The following RASGRF1 variants were observed in gnomAD, a reference collection of about 807,000 sequenced individuals.
RASGRF1 encodes ras-specific guanine nucleotide-releasing factor 1.
RASGRF1 carries 40 observed loss-of-function variants against 138.7 expected under a neutral mutation model. The ratio of observed to expected loss-of-function variants is 0.29; its 90% CI spans 0.22 to 0.38. RASGRF1 has a LOEUF of 0.38. RASGRF1 is among the 10% of genes least tolerant of loss of function. RASGRF1 has a pLI of 1.00. For synonymous variants in RASGRF1, 614 were observed against 663.2 expected, an observed-to-expected ratio of 0.93 and a Z score of 1.14; for missense variants, 1,108 against 1,650.4, an observed-to-expected ratio of 0.67 and a Z score of 5.69.
At chr15:79,059,535 A>G (rs1043850279) in intron 2 of RASGRF1, among the ~76,000 whole-genome samples, 1 of 152,146 alleles carries the variant, frequency 6.6e-6, no homozygotes, top group Non-Finnish European at 1.5e-5. Context: ...CAAAAGACCA[A>G]TTATCTCATT....
At position 79,032,388 on chromosome 15, in the gene RASGRF1, C is replaced by T. The variant is rs2057153672; in HGVS notation, c.959-72G>A. 3 of 1,451,110 alleles carry T rather than the reference C, an allele frequency of 2.1e-6. No individual in the cohort carries two copies. The highest frequency in any genetic ancestry group is 2.3e-5 in the East Asian group (1 of 43,504). 89.9% of individuals were successfully genotyped at this position (1,451,110 alleles called of 1,614,324 possible). ...GACAGAATCCCCTAGGCCCTTGGCTCCCCCAGCTACACCCAGAGAGGCCAG... is the reference window on the plus strand; with the variant it reads ...GACAGAATCCCCTAGGCCCTTGGCTTCCCCAGCTACACCCAGAGAGGCCAG... On this transcript the variant is annotated intron_variant, in intron 6 of 26. Transcript: ENST00000558480. This position sits in a 1 kb window ranked among gnomAD's most constrained non-coding sequence, Gnocchi z 4.5.
chr15:79,004,142 G>A lies in RASGRF1; in HGVS notation c.2109C>T (p.Asn703=), dbSNP rs775991406. 1 of 1,599,458 alleles carries A rather than the reference G, an allele frequency of 6.3e-7. No homozygotes were observed. The highest frequency in any genetic ancestry group is 1.3e-5 in the African/African-American group (1 of 74,704). The change falls in exon 15 of 27, where the codon AAC becomes AAT. Residue 703 remains asparagine, a synonymous_variant. Transcript: ENST00000558480. The part of the protein sequence containing the change: ...SLELLFASGQ[N]NKLLYGEPPK... ...GGGGTTCACCGTACAGGAGCTTATTGTTCTGGCCACTGGCAAACAGGAGCT... is the reference window on the plus strand; with the variant it reads ...GGGGTTCACCGTACAGGAGCTTATTATTCTGGCCACTGGCAAACAGGAGCT...
chr15:79,070,138 C>T (rs1295234179), intron 1 of RASGRF1, among the ~76,000 whole-genome samples: 5 of 152,156 alleles, frequency 3.3e-5, no homozygotes, highest in Middle Eastern at 3.2e-3. Flanking sequence ...CTGCTCAGGT[C>T]GCATTTGGTT....
rs950329836 is a variant in RASGRF1 at position 78,961,127 on chromosome 15, C to T, written c.*1017G>A. ...GTTAACCTGTGTTTTCTATACTGTA[C>T]AGTGTAAAAAATACATGGTAATATT... On this transcript the variant is annotated 3_prime_UTR_variant, in exon 27 of 27. Coordinates refer to ENST00000558480, the MANE Select transcript of RASGRF1 (RefSeq NM_001145648.3). 3.1e-4 allele frequency: 47 copies of T among 152,254 alleles called. No homozygotes were observed. The highest frequency in any genetic ancestry group is 1.1e-3 in the African/African-American group (46 of 41,528). The allele number at this position is 152,254 out of a possible 1,614,324, so 9.4% of individuals were successfully genotyped here.
At chr15:78,984,768 C>A in intron 23 of RASGRF1, 1 of 557,730 alleles carries the variant, frequency 1.8e-6, no homozygotes, top group Non-Finnish European at 3.2e-6. Context: ...ATATTCTTTC[C>A]ACTTTGAGGT....
At chr15:78,996,480 C>A (rs956732687) in intron 19 of RASGRF1, among the ~76,000 whole-genome samples, 4 of 151,912 alleles carry the variant, frequency 2.6e-5, no homozygotes, top group African/African-American at 9.7e-5. Context: ...ATCAGCCTGG[C>A]AGAAGGCATT....
At chr15:79,019,564 C>G (rs1184538772) in intron 11 of RASGRF1, among the ~76,000 whole-genome samples, 1 of 152,204 alleles carries the variant, frequency 6.6e-6, no homozygotes, top group Non-Finnish European at 1.5e-5. Context: ...GTCAGTGGCC[C>G]CTGCACATTC....
Position 79,046,669 on chromosome 15 carries a change from A to G in RASGRF1, c.878+77T>C. On this transcript the variant is annotated intron_variant, in intron 5 of 26. Transcript: ENST00000558480. This position sits in a 1 kb window ranked among gnomAD's most constrained non-coding sequence, Gnocchi z 5.3. ...CTGCACTCGGTGGGAACCACGTGAGAGAGTGTGTCAAAGCTTAGCTGCGGC... is the reference window on the plus strand; with the variant it reads ...CTGCACTCGGTGGGAACCACGTGAGGGAGTGTGTCAAAGCTTAGCTGCGGC... The G allele has an allele frequency of 6.3e-7, 1 of 1,581,302 alleles. No individual in the cohort carries two copies. The highest frequency in any genetic ancestry group is 8.6e-7 in the Non-Finnish European group (1 of 1,158,098).
At chr15:79,004,937 T>G in intron 14 of RASGRF1, 7 of 983,928 alleles carry the variant, frequency 7.1e-6, no homozygotes, top group Non-Finnish European at 8.4e-6. Context: ...CTCAGAAAGG[T>G]TAAGGGACTC....
chr15:79,031,509 T>G lies in RASGRF1; in HGVS notation c.1153A>C (p.Ile385Leu). ...TGGAGGGTCAGGATGTACCTGGGGA[T>G]CTGCGGGCAGGTGGGAGAGGTGAGG... is the stretch of plus-strand genomic sequence containing the variant. Reference protein sequence around the residue: ...ETFLTYPMFQIPRYILTLHEL... With the variant: ...ETFLTYPMFQLPRYILTLHEL... The change falls in exon 8 of 27, where the codon ATC (isoleucine) becomes CTC (leucine). Residue 385 changes from isoleucine to leucine, a missense_variant and splice_region_variant. Ile to Leu is a conservative substitution (Grantham distance 5, BLOSUM62 2). Coordinates refer to ENST00000558480, the MANE Select transcript of RASGRF1 (RefSeq NM_001145648.3). 2 of 1,606,118 alleles carry G rather than the reference T, an allele frequency of 1.2e-6. No homozygotes were observed. The highest frequency in any genetic ancestry group is 1.7e-6 in the Non-Finnish European group (2 of 1,174,788).
intron 8 of RASGRF1, among the ~76,000 whole-genome samples, chr15:79,030,359 T>G (rs773963359): frequency 2.6e-5 from 4 of 152,296 alleles, no homozygotes; most frequent in Non-Finnish European, 4.4e-5. Flanking sequence ...CCTCATCTCT[T>G]GGTCTTCACA....
At chr15:78,991,536 G>A (rs1567464018) in intron 21 of RASGRF1, among the ~76,000 whole-genome samples, 155 bp downstream of exon 21, 1 of 152,202 alleles carries the variant, frequency 6.6e-6, no homozygotes, top group Non-Finnish European at 1.5e-5. Context: ...AACGGGAACA[G>A]GCTTCTCTCC....
rs775991406 is a variant in RASGRF1 at position 79,004,142 on chromosome 15, G to T, written c.2109C>A (p.Asn703Lys). The T allele has an allele frequency of 6.3e-7, 1 of 1,599,340 alleles. No homozygotes were observed. The highest frequency in any genetic ancestry group is 8.5e-7 in the Non-Finnish European group (1 of 1,170,156). The change falls in exon 15 of 27, where the codon AAC becomes AAA. Residue 703 changes from asparagine to lysine, a missense_variant. Physicochemically the swap from Asn to Lys is moderately conservative, Grantham distance 94 (BLOSUM62 0). Transcript: ENST00000558480. Reference sequence around the variant, plus strand: ...GGGGTTCACCGTACAGGAGCTTATTGTTCTGGCCACTGGCAAACAGGAGCT... The same window carrying T: ...GGGGTTCACCGTACAGGAGCTTATTTTTCTGGCCACTGGCAAACAGGAGCT... ...SLELLFASGQ[N>K]NKLLYGEPPK...
At chr15:79,000,384 A>G (rs1182872360) in intron 16 of RASGRF1, among the ~76,000 whole-genome samples, 1 of 152,140 alleles carries the variant, frequency 6.6e-6, no homozygotes, top group Non-Finnish European at 1.5e-5. Flanking sequence ...CTTGGAGTCC[A>G]GCCACCTGAG....
At chr15:79,049,441 C>T (rs898111375) in intron 4 of RASGRF1, 55 bp downstream of exon 4, 13 of 1,531,634 alleles carry the variant, frequency 8.5e-6, no homozygotes, top group Non-Finnish European at 1.2e-5. Flanking sequence ...CAACCCTGGG[C>T]TGGCTCTCTA....
At chr15:79,052,627 G>A (rs1280303151) in intron 3 of RASGRF1, among the ~76,000 whole-genome samples, 1 of 152,246 alleles carries the variant, frequency 6.6e-6, no homozygotes, top group African/African-American at 2.4e-5. Flanking sequence ...ACAGAGCTGT[G>A]TACCCACTGC....
At chr15:79,008,825 C>T (rs2056737043) in intron 13 of RASGRF1, among the ~76,000 whole-genome samples, 1 of 152,178 alleles carries the variant, frequency 6.6e-6, no homozygotes, top group Admixed American at 6.5e-5. Context: ...TGGCATGACT[C>T]CACAAGGCCC....
At chr15:79,043,516 G>C (rs1043562223) in intron 5 of RASGRF1, among the ~76,000 whole-genome samples, 3 of 152,234 alleles carry the variant, frequency 2.0e-5, no homozygotes, top group Non-Finnish European at 2.9e-5. Context: ...CCATTCCTGG[G>C]GAAGCCTTTT....
intron 20 of RASGRF1, among the ~76,000 whole-genome samples, chr15:78,994,326 TGCTTACA>T (rs1302968802): frequency 6.6e-6 from 1 of 151,976 alleles, no homozygotes; most frequent in Non-Finnish European, 1.5e-5. Context: ...GTGGGCAGAG[TGCTTACA>T]GCTTCATAGG....
Sources: gnomAD v4.1 joint callset for allele counts (sites outside exome capture counted in the v4.1 genomes callset) on GRCh38, gnomAD v4.1.1 for gene constraint, Gnocchi (gnomAD v3.1) non-coding constraint, MANE v1.5 for transcripts, NCBI Gene and HGNC (gene_info 2026-07-23, HGNC 2026-07-21) for gene names.